Variants in DOK1 observed in about 807,000 individuals in gnomAD.
DOK1 encodes Downstream of tyrosine kinase 1.
In DOK1, 12 loss-of-function variants were observed where a neutral mutation model predicts 24.0. The ratio of observed to expected loss-of-function variants is 0.50; its 90% CI spans 0.32 to 0.81. The LOEUF (loss-of-function observed/expected upper bound fraction) is 0.81, where lower values mean the gene tolerates loss of function less well. DOK1 is among the 30% of genes least tolerant of loss of function. The pLI is 0.03. For missense variants in DOK1, 591 were observed against 620.7 expected (o/e 0.95, Z 0.51); for synonymous variants, 250 against 260.9 (o/e 0.96, Z 0.40).
In DOK1 at chr2:74,556,379, G is replaced by A. The variant is rs558232474; in HGVS notation, c.711G>A (p.Gln237=). The change falls in exon 5 of 5, where the codon CAG becomes CAA. Residue 237 remains glutamine (Q), a synonymous_variant. Coordinates refer to ENST00000233668, the MANE Select transcript of DOK1 (RefSeq NM_001381.5). This position sits in a 1 kb window ranked among gnomAD's most constrained non-coding sequence, Gnocchi z 4.1. ...GPGTFTFQTA[Q]GNDIFQAVET... ...GAACCTTCACCTTCCAGACGGCACA[G>A]GGAAATGACATCTTCCAGGCAGTTG... The A allele has an allele frequency of 1.7e-5, 28 of 1,614,082 alleles. No individual in the cohort carries two copies. In the East Asian group the frequency reaches 6.0e-4, roughly 35 times the overall value.
chr2:74,551,857 G>C (rs766084549), upstream of DOK1, among the ~76,000 whole-genome samples: 11 of 152,212 alleles, frequency 7.2e-5, no homozygotes, highest in Non-Finnish European at 1.0e-4. Flanking sequence ...TTTTATACTT[G>C]TCCTTAGACA....
At chr2:74,550,164 G>A, upstream of DOK1, 4 of 1,607,456 alleles carry the variant, frequency 2.5e-6, no homozygotes, top group South Asian at 1.1e-5. Flanking sequence ...GTGTGTGTGT[G>A]TATGTCTAGG....
At position 74,556,671 on chromosome 2, in the gene DOK1, C is replaced by T. The variant is rs1677495594; in HGVS notation, c.1003C>T (p.Pro335Ser). ...AGGAGAGGGAGTACAACGGAAGAAA[C>T]CTCTCTATTGGGACTTGTATGAGCA... is the stretch of plus-strand genomic sequence containing the variant. ...QAGEGVQRKK[P>S]LYWDLYEHAQ... The change falls in exon 5 of 5, where the codon CCT (proline) becomes TCT (serine). Residue 335 changes from proline (P) to serine (S), a missense_variant. Pro to Ser is a moderately conservative substitution (Grantham distance 74, BLOSUM62 -1). Coordinates refer to ENST00000233668, the MANE Select transcript of DOK1 (RefSeq NM_001381.5). The surrounding 1 kb of genome is among the most constrained non-coding windows in gnomAD (Gnocchi z 4.1). 1 of 1,614,136 alleles carries T rather than the reference C, an allele frequency of 6.2e-7. No individual in the cohort carries two copies. Among genetic ancestry groups the T allele is most frequent in the Non-Finnish European group, 8.5e-7 (1 of 1,180,054 alleles).
At chr2:74,553,343 C>T (rs950632243), upstream of DOK1, among the ~76,000 whole-genome samples, 2 of 152,208 alleles carry the variant, frequency 1.3e-5, no homozygotes, top group African/African-American at 4.8e-5. Flanking sequence ...TGCTGCACGC[C>T]CTCCCCAACA....
At chr2:74,552,309 GATCA>G, upstream of DOK1, 1 of 1,589,322 alleles carries the variant, frequency 6.3e-7, no homozygotes, top group Non-Finnish European at 8.6e-7. Context: ...GATATGCCTG[GATCA>G]TTGCTCACCT....
At position 74,554,942 on chromosome 2, in the gene DOK1, G is replaced by T. The variant is rs1001111136; in HGVS notation, c.60+128G>T. ...GTTGGAGAGCCTGTGACTTTCCCGT[G>T]AAGTTGCTTTGCACACTCCCGGGAA... On this transcript the variant is annotated intron_variant, in intron 1 of 4. Transcript: ENST00000233668. This position sits in a 1 kb window ranked among gnomAD's most constrained non-coding sequence, Gnocchi z 4.9. 2 of 1,506,200 alleles carry T rather than the reference G, an allele frequency of 1.3e-6. No homozygotes were observed. Among genetic ancestry groups the T allele is most frequent in the Non-Finnish European group, 1.8e-6 (2 of 1,106,204 alleles). The allele number at this position is 1,506,200 out of a possible 1,614,324, so 93.3% of individuals were successfully genotyped here.
Position 74,555,798 on chromosome 2 carries a change from G to C in DOK1, c.455-96G>C. The C allele has an allele frequency of 3.8e-6, 6 of 1,583,462 alleles. No individual in the cohort carries two copies. In the South Asian group the frequency reaches 5.7e-5, roughly 15 times the overall value. On this transcript the variant is annotated intron_variant, in intron 3 of 4. Transcript: ENST00000233668. This position sits in a 1 kb window ranked among gnomAD's most constrained non-coding sequence, Gnocchi z 6.1. ...AGGAAGGCCCTGAGATCTGGCTTCC[G>C]AGTGAGTGCTTGGACACTATGCTCA...
At chr2:74,552,560 C>T (rs148653697), upstream of DOK1, 33 of 1,611,222 alleles carry the variant, frequency 2.0e-5, no homozygotes, top group African/African-American at 3.7e-4. Flanking sequence ...GGGACGGAGA[C>T]CCCAAGCACG....
At position 74,556,510 on chromosome 2, in the gene DOK1, C is replaced by T. The variant is rs747679057; in HGVS notation, c.842C>T (p.Ser281Phe). 2 of 1,614,106 alleles carry T rather than the reference C, an allele frequency of 1.2e-6. No homozygotes were observed. The highest frequency in any genetic ancestry group is 1.7e-6 in the Non-Finnish European group (2 of 1,180,008). The change falls in exon 5 of 5, where the codon TCC (serine) becomes TTC (phenylalanine). Residue 281 changes from serine to phenylalanine, a missense_variant. Ser to Phe is a radical substitution (Grantham distance 155). Coordinates refer to ENST00000233668, the MANE Select transcript of DOK1 (RefSeq NM_001381.5). The surrounding 1 kb of genome is among the most constrained non-coding windows in gnomAD (Gnocchi z 4.1). ...EGEVAEGKLP[S>F]PPGPQELLDS... Reference sequence around the variant, plus strand: ...GAGGTGGCAGAGGGGAAGTTGCCTTCCCCACCTGGCCCCCAAGAGCTCCTC... The same window carrying T: ...GAGGTGGCAGAGGGGAAGTTGCCTTTCCCACCTGGCCCCCAAGAGCTCCTC...
upstream of DOK1, chr2:74,554,495 C>T: frequency 1.8e-6 from 1 of 556,636 alleles, no homozygotes; most frequent in Non-Finnish European, 3.2e-6. This position sits in a 1 kb window ranked among gnomAD's most constrained non-coding sequence, Gnocchi z 4.9. Flanking sequence ...AGGGCCCTCG[C>T]GCCAAAACCG....
In DOK1 at chr2:74,557,003, C is replaced by G; in HGVS notation, c.1335C>G (p.Asn445Lys). The change falls in exon 5 of 5, where the codon AAC becomes AAG. Residue 445 changes from asparagine to lysine, a missense_variant. Transcript: ENST00000233668. ...CTGGCAGTGGCATCAAAAGCCACAA[C>G]TCAGCCCTGTACAGCCAGGTCCAGA... The part of the protein sequence containing the change: ...TATGSGIKSH[N>K]SALYSQVQKS... The G allele has an allele frequency of 1.2e-6, 2 of 1,614,252 alleles. No homozygotes were observed. Among genetic ancestry groups the G allele is most frequent in the Non-Finnish European group, 1.7e-6 (2 of 1,180,052 alleles).
rs748335541 is a variant in DOK1, at chr2:74,556,344, T to C, written c.676T>C (p.Ser226Pro). The C allele has an allele frequency of 3.1e-6, 5 of 1,613,330 alleles. No homozygotes were observed. Residue 226 changes from serine (S) to proline (P), a missense_variant, in exon 5 of 5, where the codon TCA becomes CCA. Ser to Pro is a moderately conservative substitution (Grantham distance 74). Transcript: ENST00000233668. The surrounding 1 kb of genome is among the most constrained non-coding windows in gnomAD (Gnocchi z 4.1). ...TTTCGAGGCCGGCCGCCGCTGCCCC[T>C]CAGGCCCTGGAACCTTCACCTTCCA... is the stretch of plus-strand genomic sequence containing the variant. ...FSFEAGRRCP[S>P]GPGTFTFQTA...
rs1199214934 is a variant in DOK1 at position 74,556,936 on chromosome 2, C to T, written c.1268C>T (p.Pro423Leu). The T allele has an allele frequency of 1.2e-6, 2 of 1,614,132 alleles. No homozygotes were observed. Among genetic ancestry groups the T allele is most frequent in the South Asian group, 2.2e-5 (2 of 91,082 alleles). ...CGGAGCACAAAGCCCCTCCTTGCTC[C>T]CAAGCCCCAGGGCCCAGCCTTCCCT... ...PPRSTKPLLA[P>L]KPQGPAFPEP... The change falls in exon 5 of 5, where the codon CCC (proline) becomes CTC (leucine). Residue 423 changes from proline (P) to leucine (L), a missense_variant. Physicochemically the swap from Pro to Leu is moderately conservative, Grantham distance 98. Coordinates refer to ENST00000233668, the MANE Select transcript of DOK1 (RefSeq NM_001381.5). The surrounding 1 kb of genome is among the most constrained non-coding windows in gnomAD (Gnocchi z 4.1).
chr2:74,551,363 C>T (rs999429534), upstream of DOK1, among the ~76,000 whole-genome samples: 1 of 152,232 alleles, frequency 6.6e-6, no homozygotes, highest in East Asian at 1.9e-4. Flanking sequence ...TGCGGAGACA[C>T]CTAGCTCCTG....
chr2:74,554,463 G>A (rs778490660), upstream of DOK1: 22 of 493,908 alleles, frequency 4.5e-5, no homozygotes, highest in Middle Eastern at 5.4e-4. The surrounding 1 kb of genome is among the most constrained non-coding windows in gnomAD (Gnocchi z 4.9). Flanking sequence ...GACGTCACGC[G>A]CAGCCACCAC....
At position 74,557,170 on chromosome 2, in the gene DOK1, A is replaced by G. The variant is rs532547888; in HGVS notation, c.*56A>G. 2 of 1,530,552 alleles carry G rather than the reference A, an allele frequency of 1.3e-6. No homozygotes were observed. The highest frequency in any genetic ancestry group is 2.8e-5 in the African/African-American group (2 of 72,572). 94.8% of individuals were successfully genotyped at this position (1,530,552 alleles called of 1,614,324 possible). A position where few individuals can be genotyped will look rare whatever the true frequency, so the allele number is the denominator to read the frequency against. On this transcript the variant is annotated 3_prime_UTR_variant, in exon 5 of 5. Transcript: ENST00000233668. ...GGACCATGGGGAGGTGGCACTAGGGATCAAAGAAGATGGTTAGAACCAGCA... is the reference window on the plus strand; with the variant it reads ...GGACCATGGGGAGGTGGCACTAGGGGTCAAAGAAGATGGTTAGAACCAGCA...
rs768594403 is a variant in DOK1 at position 74,555,616 on chromosome 2, G to A, written c.402G>A (p.Lys134=). 2.5e-6 allele frequency: 4 copies of A among 1,614,184 alleles called. No homozygotes were observed. The highest frequency in any genetic ancestry group is 3.4e-6 in the Non-Finnish European group (4 of 1,180,036). The stretch of plus-strand genomic sequence containing the variant: ...TGGCGCCTACCGATAACCCACCTAA[G>A]CTTTCTGCCCTGGAGATGCTGGAGA... ...WTLAPTDNPP[K]LSALEMLENS... The change falls in exon 3 of 5, where the codon AAG becomes AAA. Residue 134 remains lysine, a synonymous_variant. Transcript: ENST00000233668. This position sits in a 1 kb window ranked among gnomAD's most constrained non-coding sequence, Gnocchi z 6.1.
In DOK1 at chr2:74,557,043, G is replaced by A; in HGVS notation, c.1375G>A (p.Gly459Arg). ...CCAGGTCCAGAAGAGCGGGGCCTCA[G>A]GGAGCTGGGACTGTGGGCTCTCTAG... ...YSQVQKSGAS[G>R]SWDCGLSRVG... The change falls in exon 5 of 5, where the codon GGG becomes AGG. Residue 459 changes from glycine (G) to arginine (R), a missense_variant. By Grantham distance (125) the Gly-to-Arg change is moderately radical (BLOSUM62 -2). Transcript: ENST00000233668. The A allele has an allele frequency of 6.2e-7, 1 of 1,614,194 alleles. No individual in the cohort carries two copies. The highest frequency in any genetic ancestry group is 8.5e-7 in the Non-Finnish European group (1 of 1,180,038).
chr2:74,556,570 A>G lies in DOK1; in HGVS notation c.902A>G (p.Asp301Gly). The change falls in exon 5 of 5, where the codon GAC becomes GGC. Residue 301 changes from aspartate (D) to glycine (G), a missense_variant. Coordinates refer to ENST00000233668, the MANE Select transcript of DOK1 (RefSeq NM_001381.5). This position sits in a 1 kb window ranked among gnomAD's most constrained non-coding sequence, Gnocchi z 4.1. ...SPPALYAEPL[D>G]SLRIAPCPSQ... ...CCAGCCCTGTATGCTGAGCCCTTAG[A>G]CTCCCTGCGCATTGCTCCATGCCCT... is the stretch of plus-strand genomic sequence containing the variant. 1 of 1,613,790 alleles carries G rather than the reference A, an allele frequency of 6.2e-7. No individual in the cohort carries two copies.
Sources: gnomAD v4.1 joint callset for allele counts (sites outside exome capture counted in the v4.1 genomes callset) on GRCh38, gnomAD v4.1.1 for gene constraint, Gnocchi (gnomAD v3.1) non-coding constraint, MANE v1.5 for transcripts, NCBI Gene and HGNC (gene_info 2026-07-23, HGNC 2026-07-21) for gene names.